Variants in DNAH7 observed in about 807,000 individuals in gnomAD.
The protein encoded by DNAH7 is dynein axonemal heavy chain 7, also known as axonemal beta dynein heavy chain 7.
Under a neutral mutation model 444.6 loss-of-function variants are expected in DNAH7, and 397 were observed. That is an observed-to-expected ratio of 0.89 (90% CI 0.82 to 0.97). DNAH7 has a LOEUF of 0.97. Among genes scored for constraint, DNAH7 ranks in the 50% least tolerant of loss-of-function variants. DNAH7 has a pLI of 0.00. For missense variants in DNAH7, 4,902 were observed against 4,800.8 expected (o/e 1.02, Z -0.62); for synonymous variants, 1,636 against 1,624.4 (o/e 1.01, Z -0.17).
intron 58 of DNAH7, among the ~76,000 whole-genome samples, chr2:195,781,566 G>GAAAATAATTGTTCC (rs1396628716): frequency 1.3e-5 from 2 of 152,074 alleles, no homozygotes; most frequent in Non-Finnish European, 2.9e-5. Context: ...TTACAAGAGG[G>GAAAATAATTGTTCC]TTGAGACAAT....
At chr2:195,854,604 AATGTTT>A (rs1699587131) in intron 45 of DNAH7, among the ~76,000 whole-genome samples, 1 of 152,108 alleles carries the variant, frequency 6.6e-6, no homozygotes, top group South Asian at 2.1e-4. Context: ...TTCTTTCAAC[AATGTTT>A]ATGATAAACT....
intron 63 of DNAH7, among the ~76,000 whole-genome samples, chr2:195,751,593 A>G (rs1693801666): frequency 6.6e-6 from 1 of 152,188 alleles, no homozygotes; most frequent in Admixed American, 6.5e-5. Flanking sequence ...CAGAGTCGCA[A>G]GAGAGGATAA....
chr2:196,065,837 C>G (rs1001876981), intron 1 of DNAH7, among the ~76,000 whole-genome samples: 3 of 152,204 alleles, frequency 2.0e-5, no homozygotes, highest in Non-Finnish European at 4.4e-5. Flanking sequence ...CCTTGAGTGT[C>G]TCTTCATCCC....
chr2:195,994,215 T>A, intron 12 of DNAH7: 1 of 258,404 alleles, frequency 3.9e-6, no homozygotes, highest in South Asian at 6.0e-5. Flanking sequence ...AAAAAATTAT[T>A]GATTTGTAAG....
chr2:195,908,390 C>T (rs913311694), intron 25 of DNAH7, among the ~76,000 whole-genome samples: 1 of 152,012 alleles, frequency 6.6e-6, no homozygotes, highest in African/African-American at 2.4e-5. Flanking sequence ...TGGTATCCAA[C>T]ACCTGCATAA....
chr2:195,886,510 A>G (rs1701719709), intron 33 of DNAH7, among the ~76,000 whole-genome samples: 1 of 152,186 alleles, frequency 6.6e-6, no homozygotes, highest in Admixed American at 6.5e-5. Context: ...AATTGCTGTT[A>G]CGTGTGCAGT....
intron 12 of DNAH7, chr2:195,994,480 C>T (rs1479493064): frequency 2.6e-5 from 13 of 508,670 alleles, no homozygotes; most frequent in Non-Finnish European, 4.6e-5. Flanking sequence ...ATTGACCAAT[C>T]GCCATGTCCT....
At chr2:195,899,420 C>T (rs1407157466) in intron 28 of DNAH7, among the ~76,000 whole-genome samples, 1 of 152,174 alleles carries the variant, frequency 6.6e-6, no homozygotes, top group Non-Finnish European at 1.5e-5. Flanking sequence ...CATTATACTT[C>T]CCATTATCTG....
In DNAH7 at chr2:195,824,390, T is replaced by G; in HGVS notation, c.9156A>C (p.Leu3052=). 1 of 1,613,248 alleles carries G rather than the reference T, an allele frequency of 6.2e-7. No individual in the cohort carries two copies. The highest frequency in any genetic ancestry group is 1.1e-5 in the South Asian group (1 of 90,902). The part of the protein sequence containing the change: ...ELDPILEPLL[L]KQTFKQGGST... ...TCCCACCCTGCTTAAAGGTTTGTTT[T>G]AGTAGAAGAGGTTCCAAAATAGGAT... The change falls in exon 49 of 65, where the codon CTA becomes CTC. Residue 3052 remains leucine, a synonymous_variant. Coordinates refer to ENST00000312428, the MANE Select transcript of DNAH7 (RefSeq NM_018897.3).
At chr2:195,872,951 A>G (rs1309229647) in intron 39 of DNAH7, among the ~76,000 whole-genome samples, 1 of 152,168 alleles carries the variant, frequency 6.6e-6, no homozygotes, top group Non-Finnish European at 1.5e-5. Context: ...GGAAAGTAAA[A>G]CAGTGAGCCA....
chr2:195,970,866 T>C (rs1347671971), intron 16 of DNAH7, among the ~76,000 whole-genome samples: 3 of 152,208 alleles, frequency 2.0e-5, no homozygotes, highest in African/African-American at 4.8e-5. Context: ...GGCAAACTTA[T>C]TGCTCTAGCC....
chr2:195,856,741 G>A (rs1324269305), intron 44 of DNAH7, among the ~76,000 whole-genome samples: 3 of 152,272 alleles, frequency 2.0e-5, no homozygotes, highest in South Asian at 4.1e-4. Flanking sequence ...GTGGTCCAAG[G>A]ACCCCTGGGG....
rs984302250 is a variant in DNAH7, at chr2:195,960,860, T to C, written c.2291A>G (p.Asn764Ser). The part of the protein sequence containing the change: ...PQRKKIQDGL[N>S]PYLRLYETAV... Reference sequence around the variant, plus strand: ...AGTTTCATAAAGACGAAGATAAGGGTTCAAGCCATCTTGGATTTTTTTACG... The same window carrying C: ...AGTTTCATAAAGACGAAGATAAGGGCTCAAGCCATCTTGGATTTTTTTACG... Residue 764 changes from asparagine to serine, a missense_variant, in exon 18 of 65, where the codon AAC (asparagine) becomes AGC (serine). Physicochemically the swap from Asn to Ser is conservative, Grantham distance 46 (BLOSUM62 1). Coordinates refer to ENST00000312428, the MANE Select transcript of DNAH7 (RefSeq NM_018897.3). 1.2e-6 allele frequency: 2 copies of C among 1,613,902 alleles called. No individual in the cohort carries two copies. Among genetic ancestry groups the C allele is most frequent in the African/African-American group, 2.7e-5 (2 of 74,902 alleles).
At chr2:196,030,700 G>A (rs117910473) in intron 5 of DNAH7, among the ~76,000 whole-genome samples, 7 of 152,334 alleles carry the variant, frequency 4.6e-5, no homozygotes, top group East Asian at 3.9e-4. Flanking sequence ...ATTCAAGTCC[G>A]AAATCCAGCA....
At chr2:196,034,130 A>T (rs1421939127) in intron 5 of DNAH7, among the ~76,000 whole-genome samples, 2 of 152,220 alleles carry the variant, frequency 1.3e-5, no homozygotes, top group African/African-American at 4.8e-5. Flanking sequence ...TTTTACTTGC[A>T]TACACATGAT....
rs780203616 is a variant in DNAH7 at position 196,051,217 on chromosome 2, T to C, written c.111A>G (p.Ala37=). 1.5e-5 allele frequency: 25 copies of C among 1,613,860 alleles called. No homozygotes were observed. Among genetic ancestry groups the C allele is most frequent in the Non-Finnish European group, 2.0e-5 (24 of 1,179,910 alleles). Reference sequence around the variant, plus strand: ...ACAGCTGTGGTAAAGCTCTTGCTGGTGCCTTGAACTTTTCTTTGCTGGCTA... The same window carrying C: ...ACAGCTGTGGTAAAGCTCTTGCTGGCGCCTTGAACTTTTCTTTGCTGGCTA... ...EKLASKEKFK[A]PARALPQLSM... is the part of the protein sequence containing the mutation. The change falls in exon 3 of 65, where the codon GCA becomes GCG. Residue 37 remains alanine, a synonymous_variant. Transcript: ENST00000312428.
chr2:196,025,250 C>T (rs1559346447), intron 7 of DNAH7, among the ~76,000 whole-genome samples: 1 of 152,092 alleles, frequency 6.6e-6, no homozygotes, highest in Non-Finnish European at 1.5e-5. Context: ...GAGCATAAAA[C>T]AGTCTTGTTA....
chr2:195,960,587 T>A lies in DNAH7; in HGVS notation c.2564A>T (p.Glu855Val), dbSNP rs1223852345. 6.2e-7 allele frequency: 1 copy of A among 1,614,230 alleles called. No individual in the cohort carries two copies. Among genetic ancestry groups the A allele is most frequent in the South Asian group, 1.1e-5 (1 of 91,088 alleles). ...GTAACCAACAATGGCAGACATGGCC[T>A]CCCAGTGCCTGGGGCGCAAACCAGG... ...CNPGLRPRHWEAMSAIVGYPL... is the reference protein window; with the variant it reads ...CNPGLRPRHWVAMSAIVGYPL... The change falls in exon 18 of 65, where the codon GAG becomes GTG. Residue 855 changes from glutamate (E) to valine (V), a missense_variant. Coordinates refer to ENST00000312428, the MANE Select transcript of DNAH7 (RefSeq NM_018897.3).
intron 5 of DNAH7, among the ~76,000 whole-genome samples, chr2:196,042,452 G>T (rs1696829783): frequency 6.6e-6 from 1 of 151,858 alleles, no homozygotes; most frequent in Non-Finnish European, 1.5e-5. Flanking sequence ...ATTTGCAAAA[G>T]ATATCTGAAA....
Sources: gnomAD v4.1 joint callset for allele counts (sites outside exome capture counted in the v4.1 genomes callset) on GRCh38, gnomAD v4.1.1 for gene constraint, MANE v1.5 for transcripts, NCBI Gene and HGNC (gene_info 2026-07-23, HGNC 2026-07-21) for gene names.